GALNT6: variants seen among roughly 807,000 people sequenced by gnomAD.
GALNT6 encodes GalNAc transferase 6.
A neutral mutation model predicts 65.9 loss-of-function variants in GALNT6; 51 were observed. The ratio of observed to expected loss-of-function variants is 0.77; its 90% CI spans 0.62 to 0.98. The LOEUF (loss-of-function observed/expected upper bound fraction) is 0.98, where lower values mean the gene tolerates loss of function less well. Among genes scored for constraint, GALNT6 ranks in the 50% least tolerant of loss-of-function variants. GALNT6 has a pLI of 0.00. For synonymous variants in GALNT6, 323 were observed against 315.1 expected, an observed-to-expected ratio of 1.02 and a Z score of -0.26; for missense variants, 708 against 803.3, an observed-to-expected ratio of 0.88 and a Z score of 1.43.
chr12:51,373,341 G>A (rs192159263), intron 4 of GALNT6, among the ~76,000 whole-genome samples: 13 of 152,276 alleles, frequency 8.5e-5, no homozygotes, highest in Middle Eastern at 3.4e-3. Flanking sequence ...GAATCATGGG[G>A]CAGTTTCCAC....
At chr12:51,377,142 T>C (rs956947937) in intron 4 of GALNT6, 53 bp downstream of exon 4, 4 of 1,535,048 alleles carry the variant, frequency 2.6e-6, no homozygotes, top group African/African-American at 2.7e-5. Flanking sequence ...CCCTCCTCCT[T>C]TGAGTGCCCA....
At position 51,377,216 on chromosome 12, in the gene GALNT6, C is replaced by G. The variant is rs1350547903; in HGVS notation, c.643G>C (p.Val215Leu). ...TCACCCTCTGTGCTGGCATCATCCA[C>G]CAGTATGATCTCCTTGAGCAAGATG... ...PAILLKEIIL[V>L]DDASTEEHLK... The change falls in exon 4 of 12, where the codon GTG (valine) becomes CTG (leucine). Residue 215 changes from valine to leucine, a missense_variant. Val to Leu is a conservative substitution (Grantham distance 32). Coordinates refer to ENST00000356317, the MANE Select transcript of GALNT6 (RefSeq NM_007210.4). 6.2e-7 allele frequency: 1 copy of G among 1,613,606 alleles called. No individual in the cohort carries two copies.
At chr12:51,380,431 A>G (rs912983592) in intron 2 of GALNT6, among the ~76,000 whole-genome samples, 1 of 152,246 alleles carries the variant, frequency 6.6e-6, no homozygotes, top group Non-Finnish European at 1.5e-5. Context: ...CCACTTCTCC[A>G]TGCAACAATG....
chr12:51,356,512 C>T (rs1474926543), intron 10 of GALNT6, among the ~76,000 whole-genome samples: 2 of 150,064 alleles, frequency 1.3e-5, no homozygotes, highest in African/African-American at 2.5e-5. Context: ...GCGTGTAGCA[C>T]CACACTCAGC....
chr12:51,380,984 A>G (rs1947651963), intron 2 of GALNT6, among the ~76,000 whole-genome samples: 1 of 152,108 alleles, frequency 6.6e-6, no homozygotes, highest in Non-Finnish European at 1.5e-5. Flanking sequence ...GCATGGTGTA[A>G]TCCCAGCACT....
In GALNT6 at chr12:51,379,782, C is replaced by T. The variant is rs1947602316; in HGVS notation, c.-1G>A. 1 of 1,599,518 alleles carries T rather than the reference C, an allele frequency of 6.3e-7. No individual in the cohort carries two copies. Among genetic ancestry groups the T allele is most frequent in the South Asian group, 1.1e-5 (1 of 90,586 alleles). ...TGTGGCGTCTGCGGAGGAGCCTCAT[C>T]CTCCAGAACCAAGGGGCACCCCAGC... On this transcript the variant is annotated 5_prime_UTR_variant, in exon 3 of 12. Coordinates refer to ENST00000356317, the MANE Select transcript of GALNT6 (RefSeq NM_007210.4).
intron 2 of GALNT6, chr12:51,382,504 A>T (rs1261315859): frequency 6.5e-6 from 1 of 153,020 alleles, no homozygotes; most frequent in African/African-American, 2.4e-5. Context: ...CAGTACCTGC[A>T]ATGGTCTAGA....
intron 4 of GALNT6, among the ~76,000 whole-genome samples, chr12:51,371,893 T>C (rs545171478): frequency 6.6e-6 from 1 of 152,326 alleles, no homozygotes; most frequent in Non-Finnish European, 1.5e-5. Flanking sequence ...CTGGTTAATC[T>C]GATCAAACAG....
intron 2 of GALNT6, among the ~76,000 whole-genome samples, chr12:51,390,011 C>T (rs188003153): frequency 4.3e-4 from 66 of 152,178 alleles, no homozygotes; most frequent in Non-Finnish European, 8.7e-4. Flanking sequence ...TGCCCTGGTG[C>T]CCCTGGAAGC....
Position 51,355,943 on chromosome 12 carries a change from T to A in GALNT6, c.1618A>T (p.Thr540Ser). ...LGGNQYFEYT[T>S]QRDLRHNIAK... is the part of the protein sequence containing the mutation. The stretch of plus-strand genomic sequence containing the variant: ...ATGTTGTGGCGAAGGTCCCTCTGAG[T>A]TGTGTACTCAAAGTACTGGAAATCA... The change falls in exon 11 of 12, where the codon ACT becomes TCT. Residue 540 changes from threonine (T) to serine (S), a missense_variant. Thr to Ser is a moderately conservative substitution (Grantham distance 58, BLOSUM62 1). Transcript: ENST00000356317. 5 of 1,613,058 alleles carry A rather than the reference T, an allele frequency of 3.1e-6. No homozygotes were observed. Among genetic ancestry groups the A allele is most frequent in the Non-Finnish European group, 4.2e-6 (5 of 1,179,370 alleles).
At chr12:51,365,854 C>A (rs894206687) in intron 4 of GALNT6, among the ~76,000 whole-genome samples, 2 of 152,140 alleles carry the variant, frequency 1.3e-5, no homozygotes, top group South Asian at 4.2e-4. Context: ...CACCTGGGCA[C>A]CCTCTCTAAT....
intron 9 of GALNT6, among the ~76,000 whole-genome samples, 159 bp from the exon 10 acceptor site, chr12:51,357,609 T>A (rs1818095028): frequency 6.6e-6 from 1 of 152,216 alleles, no homozygotes; most frequent in Non-Finnish European, 1.5e-5. Context: ...TTAACCCACA[T>A]GCCTGGAGCT....
chr12:51,378,876 A>C (rs1947550331), intron 3 of GALNT6, among the ~76,000 whole-genome samples: 1 of 128,252 alleles, frequency 7.8e-6, no homozygotes, highest in African/African-American at 3.0e-5. Flanking sequence ...CTGTTAAGAA[A>C]TGCCCACCCC....
intron 10 of GALNT6, 43 bp downstream of exon 10, chr12:51,357,306 C>T (rs748402271): frequency 8.8e-6 from 11 of 1,247,976 alleles, no homozygotes; most frequent in South Asian, 2.4e-5. Context: ...GAAAAGGAGC[C>T]GGTGAGGAGA....
chr12:51,382,530 A>C (rs371763740), intron 2 of GALNT6: 1 of 152,836 alleles, frequency 6.5e-6, no homozygotes, highest in East Asian at 1.9e-4. Flanking sequence ...GAGACAGAAG[A>C]GCCAGTCACA....
chr12:51,390,218 A>T (rs2114875), intron 2 of GALNT6, among the ~76,000 whole-genome samples: 39,752 of 140,032 alleles, frequency 0.28, 5,670 homozygotes, highest in Non-Finnish European at 0.32. Context: ...GCTGGAATGC[A>T]ATGGTGCGAT....
intron 2 of GALNT6, among the ~76,000 whole-genome samples, chr12:51,385,182 T>C (rs1947793452): frequency 6.6e-6 from 1 of 151,904 alleles, no homozygotes; most frequent in Non-Finnish European, 1.5e-5. Context: ...GAGATGGGGG[T>C]CTCACTATGC....
In GALNT6 at chr12:51,363,933, G is replaced by C. The variant is rs201895050; in HGVS notation, c.1049+188C>G. ...ACTGTTGCTAGCTGCATGATCTTAG[G>C]TCAGTGTTTATCACTATGAGCCTTA... On this transcript the variant is annotated intron_variant, in intron 6 of 11. Transcript: ENST00000356317. 2.2e-4 allele frequency among the ~76,000 whole-genome samples: 34 copies of C among 152,338 alleles called. No individual in the cohort carries two copies. The East Asian group carries it at 6.2e-3, about 28-fold the overall frequency.
At position 51,379,456 on chromosome 12, in the gene GALNT6, T is replaced by A. The variant is rs574239838; in HGVS notation, c.326A>T (p.Asp109Val). The stretch of plus-strand genomic sequence containing the variant: ...TCCATCTGCCCCAGGGGCATTGGGG[T>A]CCTGTGGTGGCCGTTCCCAGAAGGG... The part of the protein sequence containing the change: ...LKPFWERPPQ[D>V]PNAPGADGKA... Residue 109 changes from aspartate to valine, a missense_variant, in exon 3 of 12, where the codon GAC becomes GTC. Asp to Val is a radical substitution (Grantham distance 152, BLOSUM62 -3). Transcript: ENST00000356317. 2.2e-5 allele frequency: 36 copies of A among 1,613,994 alleles called. No individual in the cohort carries two copies. The South Asian group carries it at 3.7e-4, about 17-fold the overall frequency.
Sources: allele counts gnomAD v4.1 joint callset (sites outside exome capture counted in the v4.1 genomes callset), GRCh38; gene constraint gnomAD v4.1.1; transcripts MANE v1.5; gene names NCBI Gene and HGNC (gene_info 2026-07-23, HGNC 2026-07-21).